CPD: variants seen among roughly 807,000 people sequenced by gnomAD.
CPD encodes the protein metallocarboxypeptidase D.
Under a neutral mutation model 138.3 loss-of-function variants are expected in CPD, and 69 were observed. The observed-to-expected ratio is 0.50, with a 90% confidence interval of 0.41 to 0.61. The LOEUF is 0.61. CPD is among the 20% of genes least tolerant of loss of function. The pLI is 0.00. For missense variants in CPD, 1,432 were observed against 1,733.3 expected (o/e 0.83, Z 3.09); for synonymous variants, 651 against 642.1 (o/e 1.01, Z -0.21).
chr17:30,462,021 A>G lies in CPD; in HGVS notation c.3775A>G (p.Ile1259Val), dbSNP rs1913489997. The G allele has an allele frequency of 5.0e-6, 8 of 1,613,614 alleles. 1 individual carries two copies. The Middle Eastern group carries it at 9.9e-4, about 200-fold the overall frequency. ...HVLLAPGVHN[I>V]IAIADGYQQQ... ...ACTCTTAGCGCCAGGTGTCCATAAC[A>G]TTATTGCCATCGCTGATGGGTACCA... is the stretch of plus-strand genomic sequence containing the variant. Residue 1259 changes from isoleucine to valine, a missense_variant, in exon 19 of 21, where the codon ATT becomes GTT. Ile to Val is a conservative substitution (Grantham distance 29). Transcript: ENST00000225719.
chr17:30,381,625 A>G (rs915599539), intron 1 of CPD, among the ~76,000 whole-genome samples: 3 of 152,248 alleles, frequency 2.0e-5, no homozygotes, highest in Admixed American at 6.5e-5. Flanking sequence ...CCAATAACAA[A>G]GGACACTGAT....
At chr17:30,438,935 TACAA>T (rs941172961) in intron 8 of CPD, 36 bp from the exon 9 acceptor site, 39 of 1,245,662 alleles carry the variant, frequency 3.1e-5, no homozygotes, top group Non-Finnish European at 4.3e-5. Flanking sequence ...TTGATGGAGA[TACAA>T]ACAAATAGAA....
At chr17:30,422,266 AC>A (rs1337147136) in intron 4 of CPD, among the ~76,000 whole-genome samples, 3 of 152,180 alleles carry the variant, frequency 2.0e-5, no homozygotes, top group African/African-American at 7.2e-5. Flanking sequence ...TTAATTGATA[AC>A]CTTTAATCTT....
At position 30,421,804 on chromosome 17, in the gene CPD, A is replaced by G. The variant is rs1330251658; in HGVS notation, c.1278A>G (p.Gly426=). The change falls in exon 4 of 21, where the codon GGA becomes GGG. Residue 426 remains glycine (G), a synonymous_variant. Transcript: ENST00000225719. ...FGDFYRLLVP[G]TYNLTVVLTG... is the part of the protein sequence containing the mutation. ...ATTTCTACCGATTACTTGTTCCTGG[A>G]ACTTACAACCTTACAGTAGTTTTAA... 7 of 1,613,676 alleles carry G rather than the reference A, an allele frequency of 4.3e-6. No homozygotes were observed. The South Asian group carries it at 5.5e-5, about 13-fold the overall frequency.
chr17:30,455,703 T>C, intron 15 of CPD: 1 of 432,860 alleles, frequency 2.3e-6, no homozygotes, highest in East Asian at 3.9e-5. Context: ...CTGTTCCATT[T>C]AGTCCACAAG....
At chr17:30,381,798 T>C (rs1309198184) in intron 1 of CPD, among the ~76,000 whole-genome samples, 1 of 152,200 alleles carries the variant, frequency 6.6e-6, no homozygotes, top group African/African-American at 2.4e-5. Flanking sequence ...TTTGAGTAAT[T>C]TCTTGATATC....
rs754596617 is a variant in CPD at position 30,379,732 on chromosome 17, T to G, written c.746+6T>G. On this transcript the variant is annotated splice_donor_region_variant and intron_variant, in intron 1 of 20. Transcript: ENST00000225719. This position sits in a 1 kb window ranked among gnomAD's most constrained non-coding sequence, Gnocchi z 7.0. ...GAGTGGATCCGCAGGAACAAGTGAGTGTTGCCTGCCCCCTCCCCGTCCGTG... is the reference window on the plus strand; with the variant it reads ...GAGTGGATCCGCAGGAACAAGTGAGGGTTGCCTGCCCCCTCCCCGTCCGTG... The G allele has an allele frequency of 6.8e-7, 1 of 1,467,144 alleles. No homozygotes were observed. Among genetic ancestry groups the G allele is most frequent in the Non-Finnish European group, 8.9e-7 (1 of 1,124,140 alleles). The allele number at this position is 1,467,144 out of a possible 1,614,324, so 90.9% of individuals were successfully genotyped here. A position where few individuals can be genotyped will look rare whatever the true frequency, so the allele number is the denominator to read the frequency against.
chr17:30,394,991 T>C (rs1911460428), intron 2 of CPD, among the ~76,000 whole-genome samples: 1 of 151,842 alleles, frequency 6.6e-6, no homozygotes, highest in African/African-American at 2.4e-5. Flanking sequence ...TAGTCACAAG[T>C]ACCCAATGGG....
At chr17:30,405,294 T>C (rs1251024239) in intron 2 of CPD, among the ~76,000 whole-genome samples, 1 of 152,112 alleles carries the variant, frequency 6.6e-6, no homozygotes, top group African/African-American at 2.4e-5. Context: ...GCTCAGTAAA[T>C]GGGCACTTTT....
chr17:30,462,875 C>T (rs79872042), intron 20 of CPD, among the ~76,000 whole-genome samples: 1 of 152,034 alleles, frequency 6.6e-6, no homozygotes, highest in Admixed American at 6.5e-5. Flanking sequence ...TTATGGGAAA[C>T]GAAGGGATGG....
chr17:30,411,166 A>G lies in CPD; in HGVS notation c.995-9675A>G, dbSNP rs530050770. Among the ~76,000 whole-genome samples the G allele has an allele frequency of 9.2e-5, 14 of 152,264 alleles. No homozygotes were observed. In the South Asian group the frequency reaches 2.7e-3, roughly 29 times the overall value. On this transcript the variant is annotated intron_variant, in intron 2 of 20. Transcript: ENST00000225719. The stretch of plus-strand genomic sequence containing the variant: ...TTCTGGATTGAAAATTCTTTCTTTT[A>G]AGAATGTTGAATATTGGCCCCCACT...
At position 30,379,855 on chromosome 17, in the gene CPD, T is replaced by C. The variant is rs2143289265; in HGVS notation, c.746+129T>C. The C allele has an allele frequency of 1.6e-6, 1 of 614,716 alleles. No homozygotes were observed. The highest frequency in any genetic ancestry group is 4.4e-5 in the South Asian group (1 of 22,512). 38.1% of individuals were successfully genotyped at this position (614,716 alleles called of 1,614,324 possible). ...GTGGTGAAGGTGAAGGGAGACACCC[T>C]GTAACGGGGACAGGGCCCAGGCCGC... On this transcript the variant is annotated intron_variant, in intron 1 of 20. Coordinates refer to ENST00000225719, the MANE Select transcript of CPD (RefSeq NM_001304.5). This position sits in a 1 kb window ranked among gnomAD's most constrained non-coding sequence, Gnocchi z 7.0.
intron 1 of CPD, among the ~76,000 whole-genome samples, chr17:30,384,526 C>T (rs1034404846): frequency 6.6e-6 from 1 of 152,062 alleles, no homozygotes; most frequent in Non-Finnish European, 1.5e-5. Context: ...GAGGGCCAGG[C>T]ATAGTGGCTC....
At chr17:30,462,998 GCCCTGGGCGGGC>G (rs556297806) in intron 20 of CPD, among the ~76,000 whole-genome samples, 46 of 152,310 alleles carry the variant, frequency 3.0e-4, no homozygotes, top group Non-Finnish European at 6.2e-4. Flanking sequence ...GCAGTTTTCC[GCCCTGGGCGGGC>G]CAGGTGTTCC....
chr17:30,405,724 C>G (rs1911785796), intron 2 of CPD, among the ~76,000 whole-genome samples: 2 of 151,920 alleles, frequency 1.3e-5, no homozygotes, highest in African/African-American at 4.8e-5. Context: ...AATGCAGGTC[C>G]CCTCTTAAAC....
At chr17:30,457,309 C>G (rs1597737513) in intron 17 of CPD, among the ~76,000 whole-genome samples, 1 of 152,184 alleles carries the variant, frequency 6.6e-6, no homozygotes, top group Admixed American at 6.5e-5. Flanking sequence ...ATTTTTATGG[C>G]TGAATAATAT....
chr17:30,402,071 TTC>T (rs1409459251), intron 2 of CPD, among the ~76,000 whole-genome samples: 5 of 151,976 alleles, frequency 3.3e-5, no homozygotes, highest in Non-Finnish European at 5.9e-5. Flanking sequence ...TTTTTCTTCT[TTC>T]TCTGTTATTC....
chr17:30,411,330 T>C (rs1015344656), intron 2 of CPD, among the ~76,000 whole-genome samples: 2 of 152,228 alleles, frequency 1.3e-5, no homozygotes, highest in Admixed American at 6.5e-5. Flanking sequence ...CTGACAATTA[T>C]GTGTCTTGGA....
At chr17:30,464,320 G>T (rs938624538) in intron 20 of CPD, among the ~76,000 whole-genome samples, 5 of 152,060 alleles carry the variant, frequency 3.3e-5, no homozygotes, top group African/African-American at 1.2e-4. Context: ...ACACACAAAA[G>T]ATCTTATAAC....
Sources: allele counts gnomAD v4.1 joint callset (sites outside exome capture counted in the v4.1 genomes callset), GRCh38; gene constraint gnomAD v4.1.1; non-coding constraint Gnocchi (gnomAD v3.1); transcripts MANE v1.5; gene names NCBI Gene and HGNC (gene_info 2026-07-23, HGNC 2026-07-21).